Variants in YJEFN3 observed in about 807,000 individuals in gnomAD.
YJEFN3 encodes the protein yjeF N-terminal domain-containing protein 3.
YJEFN3 carries 29 observed loss-of-function variants against 31.5 expected under a neutral mutation model. The observed-to-expected ratio is 0.92, with a 90% CI of 0.69 to 1.26. The LOEUF (loss-of-function observed/expected upper bound fraction) is 1.26. Ranked by LOEUF, YJEFN3 falls within the 50% of genes most tolerant of loss-of-function variation. YJEFN3 has a pLI of 0.00. For missense variants in YJEFN3, 442 were observed against 425.4 expected, an observed-to-expected ratio of 1.04 and a Z score of -0.34; for synonymous variants, 227 against 196.1, an observed-to-expected ratio of 1.16 and a Z score of -1.32.
chr19:19,537,221 T>G, intron 6 of YJEFN3, 98 bp from the exon 7 acceptor site: 1 of 1,142,186 alleles, frequency 8.8e-7, no homozygotes, highest in East Asian at 2.6e-5. Context: ...AGGCTCAGTG[T>G]TGGAGGGGAG....
In YJEFN3 at chr19:19,532,758, C is replaced by G; in HGVS notation, c.318+18C>G. 6.5e-7 allele frequency: 1 copy of G among 1,531,812 alleles called. No individual in the cohort carries two copies. Among genetic ancestry groups the G allele is most frequent in the South Asian group, 1.2e-5 (1 of 84,002 alleles). The allele number at this position is 1,531,812 out of a possible 1,614,324, so 94.9% of individuals were successfully genotyped here. On this transcript the variant is annotated intron_variant, in intron 3 of 6. Transcript: ENST00000514277. Reference sequence around the variant, plus strand: ...TGACCAAGGTACCTGACCCCTGACCCCCAACCCTGACCCCAACCAGACGGC... The same window carrying G: ...TGACCAAGGTACCTGACCCCTGACCGCCAACCCTGACCCCAACCAGACGGC...
chr19:19,531,814 C>T (rs1478695884), intron 2 of YJEFN3, among the ~76,000 whole-genome samples: 3 of 148,030 alleles, frequency 2.0e-5, no homozygotes, highest in Non-Finnish European at 4.4e-5. Flanking sequence ...TCACTGCAAC[C>T]TCTGCCACCC....
chr19:19,533,961 CTTTG>C, intron 3 of YJEFN3: 1 of 985,568 alleles, frequency 1.0e-6, no homozygotes, highest in Non-Finnish European at 1.2e-6. Flanking sequence ...TGCGCTAAGC[CTTTG>C]GGGAGGATAC....
chr19:19,532,497 G>A, intron 2 of YJEFN3, 135 bp from the exon 3 acceptor site: 1 of 533,034 alleles, frequency 1.9e-6, no homozygotes, highest in South Asian at 2.7e-5. Flanking sequence ...GCTCAAGGCT[G>A]CAGACGCTAC....
intron 6 of YJEFN3, 38 bp downstream of exon 6, chr19:19,535,717 G>C: frequency 6.5e-7 from 1 of 1,541,472 alleles, no homozygotes; most frequent in Non-Finnish European, 8.7e-7. Context: ...GGGCCTGGGG[G>C]GCTTGGGTGG....
Position 19,535,623 on chromosome 19 carries a change from C to T in YJEFN3, c.638C>T (p.Ala213Val), listed in dbSNP as rs373913999. The T allele has an allele frequency of 2.0e-4, 314 of 1,585,862 alleles. No homozygotes were observed. The highest frequency in any genetic ancestry group is 6.7e-4 in the Middle Eastern group (4 of 5,982). The change falls in exon 6 of 7, where the codon GCG (alanine) becomes GTG (valine). Residue 213 changes from alanine (A) to valine (V), a missense_variant. Ala to Val is a moderately conservative substitution (Grantham distance 64). Transcript: ENST00000514277. ...PGEVGGPCTR[A>V]LATLKLLSIP... ...GAGGTCGGGGGCCCCTGCACCCGCGCGCTGGCCACGCTCAAGCTGCTGTCC... is the reference window on the plus strand; with the variant it reads ...GAGGTCGGGGGCCCCTGCACCCGCGTGCTGGCCACGCTCAAGCTGCTGTCC...
In YJEFN3 at chr19:19,529,357, C is replaced by T. The variant is rs1240626435; in HGVS notation, c.60-7C>T. 1.2e-6 allele frequency: 2 copies of T among 1,608,718 alleles called. No individual in the cohort carries two copies. Among genetic ancestry groups the T allele is most frequent in the African/African-American group, 1.3e-5 (1 of 74,850 alleles). The stretch of plus-strand genomic sequence containing the variant: ...CGTGGCCCACCCCCACTCTCCATCT[C>T]TCCCAGGGCCTTGGAGCTGCAGCCC... On this transcript the variant is annotated splice_polypyrimidine_tract_variant and splice_region_variant and intron_variant, in intron 1 of 6. Transcript: ENST00000514277.
Position 19,537,379 on chromosome 19 carries a change from C to T in YJEFN3, c.755C>T (p.Ser252Phe). 2.5e-6 allele frequency: 4 copies of T among 1,595,178 alleles called. No individual in the cohort carries two copies. Among genetic ancestry groups the T allele is most frequent in the Non-Finnish European group, 3.4e-6 (4 of 1,176,968 alleles). The change falls in exon 7 of 7, where the codon TCT becomes TTT. Residue 252 changes from serine to phenylalanine, a missense_variant. By Grantham distance (155) the Ser-to-Phe change is radical. Coordinates refer to ENST00000514277, the MANE Select transcript of YJEFN3 (RefSeq NM_198537.4). ...GGGCTGCGGCCTGACGTGCTGGTGT[C>T]TCTCGCGGCGCCCAAGCGCTGCGCT... The part of the protein sequence containing the change: ...EDGLRPDVLV[S>F]LAAPKRCAGR...
At chr19:19,531,905 A>AT (rs2061160564) in intron 2 of YJEFN3, among the ~76,000 whole-genome samples, 2 of 151,246 alleles carry the variant, frequency 1.3e-5, no homozygotes, top group Admixed American at 6.6e-5. Context: ...TGCCTGGCTA[A>AT]TTTTTTGTAT....
At chr19:19,535,872 C>T in intron 6 of YJEFN3, 193 bp downstream of exon 6, 1 of 751,726 alleles carries the variant, frequency 1.3e-6, no homozygotes, top group Non-Finnish European at 2.2e-6. Context: ...CAGGTGACCC[C>T]AGGTCTCCTC....
chr19:19,533,788 G>A (rs1222521375), intron 3 of YJEFN3: 2 of 985,326 alleles, frequency 2.0e-6, no homozygotes, highest in African/African-American at 3.5e-5. Flanking sequence ...ACCCCAGAAA[G>A]AAACCCAGTA....
chr19:19,533,190 G>T, intron 3 of YJEFN3: 1 of 995,566 alleles, frequency 1.0e-6, no homozygotes, highest in Non-Finnish European at 1.2e-6. Flanking sequence ...GGTGTGTCTG[G>T]CTCTGGAGTA....
chr19:19,537,376 T>G lies in YJEFN3; in HGVS notation c.752T>G (p.Val251Gly), dbSNP rs746446386. ...GACGGGCTGCGGCCTGACGTGCTGG[T>G]GTCTCTCGCGGCGCCCAAGCGCTGC... The part of the protein sequence containing the change: ...SEDGLRPDVL[V>G]SLAAPKRCAG... Residue 251 changes from valine to glycine, a missense_variant, in exon 7 of 7, where the codon GTG (valine) becomes GGG (glycine). Coordinates refer to ENST00000514277, the MANE Select transcript of YJEFN3 (RefSeq NM_198537.4). 3.8e-6 allele frequency: 6 copies of G among 1,595,504 alleles called. No individual in the cohort carries two copies. The Admixed American group carries it at 1.0e-4, about 27-fold the overall frequency.
intron 3 of YJEFN3, chr19:19,533,728 CAA>C: frequency 2.0e-6 from 2 of 985,316 alleles, no homozygotes; most frequent in Non-Finnish European, 2.4e-6. Flanking sequence ...TTTGTATTTC[CAA>C]ATGAAATAGA....
At chr19:19,533,747 G>T (rs1205190431) in intron 3 of YJEFN3, 1 of 985,292 alleles carries the variant, frequency 1.0e-6, no homozygotes, top group African/African-American at 1.7e-5. Context: ...TAGATCCCGG[G>T]TGAGGCGCCC....
intron 6 of YJEFN3, 90 bp downstream of exon 6, chr19:19,535,769 A>C (rs957945936): frequency 6.8e-7 from 1 of 1,467,560 alleles, no homozygotes; most frequent in African/African-American, 1.4e-5. Context: ...TGCCTGTCTG[A>C]ACCTCAATCT....
In YJEFN3 at chr19:19,532,730, C is replaced by T. The variant is rs1339765852; in HGVS notation, c.308C>T (p.Ala103Val). Residue 103 changes from alanine (A) to valine (V), a missense_variant, in exon 3 of 7, where the codon GCT becomes GTT. Physicochemically the swap from Ala to Val is moderately conservative, Grantham distance 64. Coordinates refer to ENST00000514277, the MANE Select transcript of YJEFN3 (RefSeq NM_198537.4). ...VELCGHASAVAVTKAFPLPAL... is the reference protein window; with the variant it reads ...VELCGHASAVVVTKAFPLPAL... ...CTGTGCGGTCATGCTAGTGCCGTGGCTGTGACCAAGGTACCTGACCCCTGA... is the reference window on the plus strand; with the variant it reads ...CTGTGCGGTCATGCTAGTGCCGTGGTTGTGACCAAGGTACCTGACCCCTGA... 1 of 1,568,936 alleles carries T rather than the reference C, an allele frequency of 6.4e-7. No homozygotes were observed.
intron 6 of YJEFN3, 143 bp downstream of exon 6, chr19:19,535,822 A>G (rs764304007): frequency 2.0e-5 from 22 of 1,123,674 alleles, no homozygotes; most frequent in Non-Finnish European, 2.8e-5. Context: ...GCTAAGGGTC[A>G]CACCCATCCC....
rs368324977 is a variant in YJEFN3, at chr19:19,535,388, C to T, written c.481C>T (p.Arg161Trp). Reference protein sequence around the residue: ...YPTRSLDLLHRDLTTQCEKMD... With the variant: ...YPTRSLDLLHWDLTTQCEKMD... Reference sequence around the variant, plus strand: ...CACACGCTCGCTGGACCTGCTGCATCGGGACCTGACCACCCAGTGCGAGAA... The same window carrying T: ...CACACGCTCGCTGGACCTGCTGCATTGGGACCTGACCACCCAGTGCGAGAA... The change falls in exon 5 of 7, where the codon CGG (arginine) becomes TGG (tryptophan). Residue 161 changes from arginine (R) to tryptophan (W), a missense_variant. By Grantham distance (101) the Arg-to-Trp change is moderately radical (BLOSUM62 -3). Coordinates refer to ENST00000514277, the MANE Select transcript of YJEFN3 (RefSeq NM_198537.4). 16 of 1,613,860 alleles carry T rather than the reference C, an allele frequency of 9.9e-6. No individual in the cohort carries two copies. The highest frequency in any genetic ancestry group is 3.3e-4 in the Middle Eastern group (2 of 6,084).
Sources: allele counts gnomAD v4.1 joint callset (sites outside exome capture counted in the v4.1 genomes callset), GRCh38; gene constraint gnomAD v4.1.1; transcripts MANE v1.5; gene names NCBI Gene and HGNC (gene_info 2026-07-23, HGNC 2026-07-21).